PDE10A: variants seen among roughly 807,000 people sequenced by gnomAD.
PDE10A encodes phosphodiesterase 10A, also known as cAMP and cAMP-inhibited cGMP 3',5'-cyclic phosphodiesterase 10A.
In PDE10A, 39 loss-of-function variants were observed where a neutral mutation model predicts 97.7. The ratio of observed to expected loss-of-function variants is 0.40; its 90% CI spans 0.31 to 0.52. PDE10A has a LOEUF of 0.52. PDE10A is among the 20% of genes least tolerant of loss of function. The pLI is 0.56. For synonymous variants in PDE10A, 371 were observed against 376.8 expected (o/e 0.98, Z 0.18); for missense variants, 731 against 1,047.8 (o/e 0.70, Z 4.17).
intron 3 of PDE10A, among the ~76,000 whole-genome samples, chr6:165,451,219 G>T (rs1271195986): frequency 6.6e-6 from 1 of 152,138 alleles, no homozygotes; most frequent in Non-Finnish European, 1.5e-5. Flanking sequence ...CATGTCCACA[G>T]CACAAGGCTT....
intron 10 of PDE10A, among the ~76,000 whole-genome samples, chr6:165,425,769 T>TTGTGTG (rs766723327): frequency 3.5e-5 from 2 of 56,738 alleles, no homozygotes; most frequent in African/African-American, 1.5e-4. Flanking sequence ...GAAGGCATGA[T>TTGTGTG]CGTGTGTGTG....
chr6:165,829,283 G>T (rs1410606631), intron 1 of PDE10A, among the ~76,000 whole-genome samples: 3 of 152,250 alleles, frequency 2.0e-5, no homozygotes, highest in Non-Finnish European at 2.9e-5. Context: ...CAGATGCCCA[G>T]TGCTGAGTCT....
In PDE10A at chr6:165,327,453, A is replaced by C. The variant is rs1781107502; in HGVS notation, c.*5572T>G. 1.3e-5 allele frequency: 2 copies of C among 152,200 alleles called. No homozygotes were observed. The highest frequency in any genetic ancestry group is 4.1e-4 in the South Asian group (2 of 4,830). 9.4% of individuals were successfully genotyped at this position (152,200 alleles called of 1,614,324 possible). A position where few individuals can be genotyped will look rare whatever the true frequency, so the allele number is the denominator to read the frequency against. ...CTTTAACCATGTAAGTAAAACAAAG[A>C]TTTTGCAATATAACACTCATATATG... On this transcript the variant is annotated 3_prime_UTR_variant, in exon 22 of 22. Transcript: ENST00000539869.
At chr6:165,905,454 TG>T (rs1205463424) in intron 1 of PDE10A, among the ~76,000 whole-genome samples, 1 of 152,182 alleles carries the variant, frequency 6.6e-6, no homozygotes, top group Non-Finnish European at 1.5e-5. Flanking sequence ...TTAAGAATCT[TG>T]TCCATATCTA....
At chr6:165,412,003 C>A (rs1272213180) in intron 13 of PDE10A, among the ~76,000 whole-genome samples, 1 of 151,690 alleles carries the variant, frequency 6.6e-6, no homozygotes, top group Non-Finnish European at 1.5e-5. Context: ...TGTTTTAAGC[C>A]ATAGGTATCT....
At chr6:165,929,161 C>G (rs1443908958) in intron 1 of PDE10A, among the ~76,000 whole-genome samples, 3 of 152,192 alleles carry the variant, frequency 2.0e-5, no homozygotes, top group Admixed American at 2.0e-4. Context: ...TACAGCCTCA[C>G]ATGTGGCGGG....
chr6:165,669,956 T>C (rs1404434416), intron 1 of PDE10A, among the ~76,000 whole-genome samples: 3 of 152,220 alleles, frequency 2.0e-5, no homozygotes, highest in African/African-American at 7.2e-5. Context: ...GCTTTCCATG[T>C]CATACTGGTC....
At position 165,680,418 on chromosome 6, in the gene PDE10A, C is replaced by T. The variant is rs144226180; in HGVS notation, c.-614-136850G>A. 1.8e-3 allele frequency among the ~76,000 whole-genome samples: 278 copies of T among 152,254 alleles called. 1 individual carries two copies. The highest frequency in any genetic ancestry group is 6.5e-3 in the African/African-American group (268 of 41,546). ...CAGAAGGCAAACTTCCAGCTACAAT[C>T]GGAGGTACTTTCTCTGCAGGTAAGC... On this transcript the variant is annotated intron_variant, in intron 1 of 19. Coordinates refer to the PDE10A transcript ENST00000366882.
intron 1 of PDE10A, among the ~76,000 whole-genome samples, chr6:165,571,546 C>G (rs1331913002): frequency 6.6e-6 from 1 of 152,182 alleles, no homozygotes; most frequent in Non-Finnish European, 1.5e-5. Context: ...GTTCCTAAGA[C>G]AGTTTTCTTC....
intron 1 of PDE10A, among the ~76,000 whole-genome samples, chr6:165,609,207 G>GC (rs1286332641): frequency 6.6e-6 from 1 of 152,172 alleles, no homozygotes; most frequent in African/African-American, 2.4e-5. Flanking sequence ...GAATGGTACT[G>GC]CCTAGGTTCT....
chr6:165,525,178 T>G (rs1331226589), intron 2 of PDE10A, among the ~76,000 whole-genome samples: 2 of 152,162 alleles, frequency 1.3e-5, no homozygotes, highest in Non-Finnish European at 1.5e-5. Flanking sequence ...GGAGGTGCAC[T>G]ACACTTGAAC....
chr6:165,440,544 A>G (rs1790366461), intron 5 of PDE10A, among the ~76,000 whole-genome samples: 1 of 152,212 alleles, frequency 6.6e-6, no homozygotes, highest in South Asian at 2.1e-4. Context: ...TAACTTTGGA[A>G]TGGGAGCCTA....
At chr6:165,658,769 G>A (rs1790090239) in intron 1 of PDE10A, among the ~76,000 whole-genome samples, 1 of 152,220 alleles carries the variant, frequency 6.6e-6, no homozygotes, top group African/African-American at 2.4e-5. Flanking sequence ...TCACAAGAAA[G>A]CATGAAGCTG....
chr6:165,370,531 A>G (rs1225251036), intron 18 of PDE10A, among the ~76,000 whole-genome samples: 10 of 149,376 alleles, frequency 6.7e-5, no homozygotes, highest in Admixed American at 2.0e-4. Flanking sequence ...AGAGCTAACT[A>G]TCCTAAATAT....
chr6:165,713,596 G>T (rs1388392412), intron 1 of PDE10A, among the ~76,000 whole-genome samples: 2 of 152,192 alleles, frequency 1.3e-5, no homozygotes, highest in Non-Finnish European at 2.9e-5. Context: ...GACAGATAAG[G>T]TTTGACGACA....
Position 165,462,600 on chromosome 6 carries a change from G to A in PDE10A, c.1024-12238C>T, listed in dbSNP as rs539782072. On this transcript the variant is annotated intron_variant, in intron 3 of 21. Coordinates refer to ENST00000539869, the MANE Select transcript of PDE10A (RefSeq NM_001385079.1). The stretch of plus-strand genomic sequence containing the variant: ...AGGACCCCCTAGTTGCAGCCATGTC[G>A]AGACTGACGCTGAGGAGGTCCCCAA... 2.5e-3 allele frequency among the ~76,000 whole-genome samples: 379 copies of A among 152,252 alleles called. 2 individuals carry two copies. Among genetic ancestry groups the A allele is most frequent in the African/African-American group, 8.5e-3 (352 of 41,548 alleles).
intron 1 of PDE10A, among the ~76,000 whole-genome samples, chr6:165,588,294 T>C (rs1216471751): frequency 6.8e-6 from 1 of 146,984 alleles, no homozygotes; most frequent in Non-Finnish European, 1.5e-5. Context: ...TTTTTTTTTT[T>C]TTTTTTTTTT....
intron 18 of PDE10A, among the ~76,000 whole-genome samples, chr6:165,366,872 G>A (rs1200066456): frequency 6.6e-6 from 1 of 152,120 alleles, no homozygotes; most frequent in East Asian, 1.9e-4. Context: ...TGGCCACTAG[G>A]ATAAAAGTTA....
chr6:165,625,256 G>C (rs1227537358), intron 1 of PDE10A, among the ~76,000 whole-genome samples: 1 of 152,236 alleles, frequency 6.6e-6, no homozygotes, highest in Non-Finnish European at 1.5e-5. Context: ...AGACCAGCAA[G>C]GAGCCAGGCC....
Sources: gnomAD v4.1 joint callset for allele counts (sites outside exome capture counted in the v4.1 genomes callset) on GRCh38, gnomAD v4.1.1 for gene constraint, MANE v1.5 for transcripts, NCBI Gene and HGNC (gene_info 2026-07-23, HGNC 2026-07-21) for gene names.